The following PPP6R3 variants were observed in gnomAD, a reference collection of about 807,000 sequenced individuals.
The protein encoded by PPP6R3 is protein phosphatase 6 regulatory subunit 3, also known as serine/threonine-protein phosphatase 6 regulatory subunit 3.
In PPP6R3, 38 loss-of-function variants were observed where a neutral mutation model predicts 110.7. The observed-to-expected ratio is 0.34, with a 90% CI of 0.26 to 0.45. PPP6R3 has a LOEUF of 0.45. PPP6R3 is among the 20% of genes least tolerant of loss of function. PPP6R3 has a pLI of 1.00. For synonymous variants in PPP6R3, 369 were observed against 373.5 expected (o/e 0.99, Z 0.14); for missense variants, 870 against 1,062.4 (o/e 0.82, Z 2.52).
chr11:68,613,207 AC>A lies in PPP6R3; in HGVS notation c.*91del. On this transcript the variant is annotated 3_prime_UTR_variant, in exon 24 of 24. Transcript: ENST00000393800. ...GTCAGCTGGAGCCCACCAAGCTGTC[AC>A]TGCTGCACTCACTCTGCAAGGGATC... 6.4e-7 allele frequency: 1 copy of A among 1,562,854 alleles called. No individual in the cohort carries two copies. The highest frequency in any genetic ancestry group is 8.7e-7 in the Non-Finnish European group (1 of 1,155,876).
intron 2 of PPP6R3, among the ~76,000 whole-genome samples, chr11:68,528,442 G>T (rs1300646754): frequency 4.9e-5 from 7 of 143,458 alleles, no homozygotes; most frequent in South Asian, 2.4e-4. Context: ...GTGGGGGGGG[G>T]GGCTGCACCT....
At chr11:68,475,243 G>A (rs2098820159) in intron 1 of PPP6R3, among the ~76,000 whole-genome samples, 1 of 152,198 alleles carries the variant, frequency 6.6e-6, no homozygotes. Context: ...TAAGGTCATA[G>A]ATCAACAGCA....
At chr11:68,484,624 G>A (rs1332946755) in intron 1 of PPP6R3, among the ~76,000 whole-genome samples, 1 of 151,682 alleles carries the variant, frequency 6.6e-6, no homozygotes, top group Non-Finnish European at 1.5e-5. Context: ...TTTCGCTCTT[G>A]TTGCCCAGGG....
chr11:68,494,656 TCACTGGGTTTCTATTTCTTTGGTTCC>T (rs2099005458), intron 1 of PPP6R3, among the ~76,000 whole-genome samples: 1 of 152,178 alleles, frequency 6.6e-6, no homozygotes, highest in Admixed American at 6.5e-5. Flanking sequence ...GATTGCTTGA[TCACTGGGTTTCTATTTCTTTGGTTCC>T]CACTAGGTAT....
At chr11:68,544,528 C>T (rs530459629) in intron 3 of PPP6R3, among the ~76,000 whole-genome samples, 6 of 152,360 alleles carry the variant, frequency 3.9e-5, no homozygotes, top group South Asian at 2.1e-4. Flanking sequence ...CCGCTTTCCT[C>T]GCTGATCGTG....
intron 21 of PPP6R3, among the ~76,000 whole-genome samples, chr11:68,602,719 A>AT (rs987642762): frequency 1.3e-5 from 2 of 152,174 alleles, no homozygotes; most frequent in Non-Finnish European, 2.9e-5. Context: ...AGATTCCCGC[A>AT]TTTGACTCCT....
chr11:68,552,896 A>T (rs960939397), intron 6 of PPP6R3, among the ~76,000 whole-genome samples: 1 of 152,254 alleles, frequency 6.6e-6, no homozygotes, highest in African/African-American at 2.4e-5. Context: ...AGGACACTGC[A>T]TTGTGGACAT....
intron 7 of PPP6R3, among the ~76,000 whole-genome samples, chr11:68,556,644 G>A (rs961233283): frequency 6.6e-6 from 1 of 151,618 alleles, no homozygotes; most frequent in Non-Finnish European, 1.5e-5. Context: ...GAGTTTTAGT[G>A]ATGTCTATCC....
At chr11:68,556,440 C>A (rs1193985196) in intron 7 of PPP6R3, among the ~76,000 whole-genome samples, 1 of 151,054 alleles carries the variant, frequency 6.6e-6, no homozygotes, top group Non-Finnish European at 1.5e-5. Context: ...AGAATAGACT[C>A]TGTATCTGAA....
chr11:68,599,960 A>C (rs2099626177), intron 19 of PPP6R3, among the ~76,000 whole-genome samples: 1 of 152,172 alleles, frequency 6.6e-6, no homozygotes, highest in Non-Finnish European at 1.5e-5. Context: ...GTCTCTACTA[A>C]AAATACAAAA....
chr11:68,549,520 G>A (rs536779628), intron 5 of PPP6R3, among the ~76,000 whole-genome samples: 14 of 152,276 alleles, frequency 9.2e-5, no homozygotes, highest in African/African-American at 3.4e-4. Context: ...TGGGTGTCCT[G>A]GGACTTGTCT....
intron 1 of PPP6R3, among the ~76,000 whole-genome samples, chr11:68,496,307 G>A (rs1338869263): frequency 6.6e-6 from 1 of 151,818 alleles, no homozygotes; most frequent in Non-Finnish European, 1.5e-5. Context: ...GATTACAGGT[G>A]TGAGCCACCA....
intron 1 of PPP6R3, among the ~76,000 whole-genome samples, chr11:68,476,812 A>G (rs1364297923): frequency 1.3e-5 from 2 of 152,080 alleles, no homozygotes; most frequent in Admixed American, 6.6e-5. Context: ...GCTTGAGCCC[A>G]GGAGTTTGAG....
intron 6 of PPP6R3, 27 bp downstream of exon 6, chr11:68,551,213 T>C (rs1342837710): frequency 6.4e-7 from 1 of 1,560,470 alleles, no homozygotes; most frequent in South Asian, 1.2e-5. Context: ...GACTGTAAAC[T>C]TGATTAGAAA....
At chr11:68,526,469 C>T (rs1446857754) in intron 2 of PPP6R3, among the ~76,000 whole-genome samples, 1 of 152,080 alleles carries the variant, frequency 6.6e-6, no homozygotes, top group Admixed American at 6.5e-5. Context: ...ATCTTGAACT[C>T]CTGGACTAAA....
At chr11:68,480,275 G>C (rs924625928) in intron 1 of PPP6R3, among the ~76,000 whole-genome samples, 2 of 152,142 alleles carry the variant, frequency 1.3e-5, no homozygotes, top group African/African-American at 4.8e-5. Flanking sequence ...TGTGTTTGCT[G>C]TTTTTGATTT....
chr11:68,533,156 C>G lies in PPP6R3; in HGVS notation c.-6-4503C>G, dbSNP rs73521433. Among the ~76,000 whole-genome samples, 1,231 of 152,248 alleles carry G rather than the reference C, an allele frequency of 8.1e-3. 15 individuals carry two copies. The highest frequency in any genetic ancestry group is 0.029 in the African/African-American group (1,189 of 41,552). Reference sequence around the variant, plus strand: ...GAACTTTGTAACTGTTATTTCATACCTGGTTTCTTTCTACTTGAAAGAGTA... The same window carrying G: ...GAACTTTGTAACTGTTATTTCATACGTGGTTTCTTTCTACTTGAAAGAGTA... On this transcript the variant is annotated intron_variant, in intron 2 of 23. Transcript: ENST00000393800.
chr11:68,607,671 G>A (rs1940952685), intron 22 of PPP6R3, among the ~76,000 whole-genome samples: 1 of 152,214 alleles, frequency 6.6e-6, no homozygotes, highest in Admixed American at 6.5e-5. Context: ...TTTTTAACCT[G>A]TGTGCAGAAA....
chr11:68,467,940 A>G (rs953582442), intron 1 of PPP6R3, among the ~76,000 whole-genome samples: 1 of 152,054 alleles, frequency 6.6e-6, no homozygotes, highest in African/African-American at 2.4e-5. Context: ...ACACCCAGCT[A>G]ATTTTTTATT....
Sources: gnomAD v4.1 joint callset for allele counts (sites outside exome capture counted in the v4.1 genomes callset) on GRCh38, gnomAD v4.1.1 for gene constraint, MANE v1.5 for transcripts, NCBI Gene and HGNC (gene_info 2026-07-23, HGNC 2026-07-21) for gene names.